BCAS3: variants seen among roughly 807,000 people sequenced by gnomAD.
The protein encoded by BCAS3 is BCAS4/BCAS3 fusion.
A neutral mutation model predicts 116.1 loss-of-function variants in BCAS3; 53 were observed. The ratio of observed to expected loss-of-function variants is 0.46; its 90% CI spans 0.37 to 0.57. The LOEUF is 0.57. Ranked by LOEUF, BCAS3 falls within the 20% of genes least tolerant of loss-of-function variation. The probability of loss-of-function intolerance (pLI) is 0.00; values close to 1 mark genes in which losing one functional copy is unlikely to be tolerated. For missense variants in BCAS3, 917 were observed against 1,165.4 expected (o/e 0.79, Z 3.10); for synonymous variants, 391 against 408.2 (o/e 0.96, Z 0.51).
At chr17:61,085,171 A>G (rs1323458962) in intron 22 of BCAS3, among the ~76,000 whole-genome samples, 2 of 152,188 alleles carry the variant, frequency 1.3e-5, no homozygotes, top group East Asian at 1.9e-4. Flanking sequence ...AGCCAGGCCT[A>G]CTAAATGGTA....
intron 12 of BCAS3, among the ~76,000 whole-genome samples, chr17:60,914,207 A>G (rs2058661182): frequency 6.6e-6 from 1 of 152,196 alleles, no homozygotes; most frequent in South Asian, 2.1e-4. Context: ...GTGGTGAGTG[A>G]AGATTACATG....
At chr17:60,882,209 C>T (rs1455860027) in intron 9 of BCAS3, among the ~76,000 whole-genome samples, 3 of 152,170 alleles carry the variant, frequency 2.0e-5, no homozygotes, top group Admixed American at 6.5e-5. Context: ...GAGCATTTTT[C>T]CATGTGTTTT....
chr17:60,855,147 A>G (rs2053557808), intron 7 of BCAS3, among the ~76,000 whole-genome samples: 2 of 151,122 alleles, frequency 1.3e-5, no homozygotes, highest in African/African-American at 4.9e-5. Context: ...ACAGGGTTTC[A>G]CCATGTTGGT....
At chr17:61,305,879 G>C (rs2053812462) in intron 22 of BCAS3, among the ~76,000 whole-genome samples, 1 of 152,194 alleles carries the variant, frequency 6.6e-6, no homozygotes, top group Non-Finnish European at 1.5e-5. Flanking sequence ...CTGGGCAACA[G>C]AGCAAGACTC....
At chr17:60,874,565 T>A in intron 8 of BCAS3, 97 bp from the exon 9 acceptor site, 1 of 771,946 alleles carries the variant, frequency 1.3e-6, no homozygotes, top group Non-Finnish European at 2.1e-6. Context: ...AGTAGGCACT[T>A]GTTTTCATCT....
At chr17:61,291,010 G>A (rs1158728563) in intron 22 of BCAS3, among the ~76,000 whole-genome samples, 1 of 152,100 alleles carries the variant, frequency 6.6e-6, no homozygotes, top group East Asian at 1.9e-4. Context: ...TCGATCTCCT[G>A]ACCTCATAAT....
At chr17:61,057,305 C>G (rs1285119929) in intron 19 of BCAS3, among the ~76,000 whole-genome samples, 3 of 152,174 alleles carry the variant, frequency 2.0e-5, no homozygotes. Context: ...TTTTCAATTG[C>G]ACCTCTATTT....
In BCAS3 at chr17:61,051,472, T is replaced by C. The variant is rs1222659664; in HGVS notation, c.2029+10580T>C. 3.3e-5 allele frequency among the ~76,000 whole-genome samples: 5 copies of C among 152,226 alleles called. No individual in the cohort carries two copies. The highest frequency in any genetic ancestry group is 1.2e-4 in the African/African-American group (5 of 41,470). On this transcript the variant is annotated intron_variant, in intron 19 of 23. Coordinates refer to ENST00000407086, the MANE Select transcript of BCAS3 (RefSeq NM_017679.5). This position sits in a 1 kb window ranked among gnomAD's most constrained non-coding sequence, Gnocchi z 4.1. ...AACTGTATATGTAAATTTCATTATA[T>C]CTGAATAAAGTCTCTGGATTGTATC...
chr17:60,788,049 GTATAT>G (rs2046433107), intron 6 of BCAS3, among the ~76,000 whole-genome samples: 1 of 151,922 alleles, frequency 6.6e-6, no homozygotes, highest in Admixed American at 6.6e-5. Context: ...AGTGCTTTGC[GTATAT>G]TATCTTTTTA....
intron 18 of BCAS3, among the ~76,000 whole-genome samples, chr17:61,039,492 G>A (rs979128958): frequency 5.3e-5 from 8 of 151,380 alleles, no homozygotes; most frequent in African/African-American, 1.5e-4. Context: ...GCGTGATCTC[G>A]GCTCACTGCA....
At chr17:60,900,935 G>A (rs139745810) in intron 10 of BCAS3, among the ~76,000 whole-genome samples, 15 of 152,154 alleles carry the variant, frequency 9.9e-5, no homozygotes, top group Middle Eastern at 3.4e-3. Flanking sequence ...AGGGCTGGGC[G>A]TGGTGGCTCA....
intron 6 of BCAS3, among the ~76,000 whole-genome samples, chr17:60,764,795 G>T (rs1405054322): frequency 6.6e-6 from 1 of 152,134 alleles, no homozygotes; most frequent in East Asian, 1.9e-4. Flanking sequence ...TGACAGCGGG[G>T]TGTTAAAGTC....
chr17:60,681,369 A>G (rs900786793), intron 2 of BCAS3, among the ~76,000 whole-genome samples: 1 of 151,510 alleles, frequency 6.6e-6, no homozygotes. Flanking sequence ...GGGTGGTGGC[A>G]ATAGCCTGTA....
In BCAS3 at chr17:61,387,909, G is replaced by A. The variant is rs2059935785; in HGVS notation, c.2594-4068G>A. 6.6e-6 allele frequency among the ~76,000 whole-genome samples: 1 copy of A among 152,146 alleles called. No individual in the cohort carries two copies. Among genetic ancestry groups the A allele is most frequent in the African/African-American group, 2.4e-5 (1 of 41,420 alleles). On this transcript the variant is annotated intron_variant, in intron 23 of 23. Coordinates refer to ENST00000407086, the MANE Select transcript of BCAS3 (RefSeq NM_017679.5). This position sits in a 1 kb window ranked among gnomAD's most constrained non-coding sequence, Gnocchi z 6.2. The stretch of plus-strand genomic sequence containing the variant: ...GTGCAAGGTCACAATGAGGTGACTG[G>A]GTCTAGCCACTTGCCTGGAAGCCAC...
rs9904948 is a variant in BCAS3 at position 61,241,520 on chromosome 17, G to A, written c.2426-126807G>A. On this transcript the variant is annotated intron_variant, in intron 22 of 23. Transcript: ENST00000407086. This position sits in a 1 kb window ranked among gnomAD's most constrained non-coding sequence, Gnocchi z 4.6. The stretch of plus-strand genomic sequence containing the variant: ...AGGTCAGGAGATCAAGACCATCCTC[G>A]CTAACACGGTGAAACCCCACCTCTA... Among the ~76,000 whole-genome samples, 6,336 of 151,624 alleles carry A rather than the reference G, an allele frequency of 0.042. 403 individuals carry two copies. The highest frequency in any genetic ancestry group is 0.14 in the African/African-American group (5,944 of 41,252).
In BCAS3 at chr17:61,053,176, G is replaced by A. The variant is rs370570295; in HGVS notation, c.2029+12284G>A. Among the ~76,000 whole-genome samples the A allele has an allele frequency of 1.1e-3, 170 of 152,272 alleles. 1 individual carries two copies. Among genetic ancestry groups the A allele is most frequent in the African/African-American group, 3.4e-3 (141 of 41,546 alleles). On this transcript the variant is annotated intron_variant, in intron 19 of 23. Coordinates refer to ENST00000407086, the MANE Select transcript of BCAS3 (RefSeq NM_017679.5). The stretch of plus-strand genomic sequence containing the variant: ...AAAAGTGGTATTGAGCTTTAGTAGA[G>A]GAGTACTAAAATTAGTAGTCAGCAA...
intron 19 of BCAS3, among the ~76,000 whole-genome samples, chr17:61,054,598 T>C (rs894589460): frequency 1.3e-5 from 2 of 152,174 alleles, no homozygotes; most frequent in Non-Finnish European, 1.5e-5. Context: ...ACTCCTGGGC[T>C]CAAGGCCAGG....
At position 61,107,332 on chromosome 17, in the gene BCAS3, G is replaced by A. The variant is rs1414042702; in HGVS notation, c.2425+22768G>A. Among the ~76,000 whole-genome samples the A allele has an allele frequency of 1.3e-5, 2 of 151,950 alleles. 1 individual carries two copies. The highest frequency in any genetic ancestry group is 2.9e-5 in the Non-Finnish European group (2 of 67,960). On this transcript the variant is annotated intron_variant, in intron 22 of 23. Coordinates refer to ENST00000407086, the MANE Select transcript of BCAS3 (RefSeq NM_017679.5). ...GAACTCCTGACCTCATGATCCACCT[G>A]CCTCGGCCTCCCAAAGTGCTGGGAT...
chr17:60,768,918 C>T (rs978276754), intron 6 of BCAS3, among the ~76,000 whole-genome samples: 1 of 152,110 alleles, frequency 6.6e-6, no homozygotes, highest in Non-Finnish European at 1.5e-5. Flanking sequence ...GTATGAGTGG[C>T]AATAGCAGGG....
Sources: allele counts gnomAD v4.1 joint callset (sites outside exome capture counted in the v4.1 genomes callset), GRCh38; gene constraint gnomAD v4.1.1; non-coding constraint Gnocchi (gnomAD v3.1); transcripts MANE v1.5; gene names NCBI Gene and HGNC (gene_info 2026-07-23, HGNC 2026-07-21).